CBX1: variants seen among roughly 807,000 people sequenced by gnomAD.
CBX1 encodes chromobox 1.
Under a neutral mutation model 25.1 loss-of-function variants are expected in CBX1, and 10 were observed. The ratio of observed to expected loss-of-function variants is 0.40; its 90% CI spans 0.25 to 0.68. The LOEUF (loss-of-function observed/expected upper bound fraction) is 0.68, where lower values mean the gene tolerates loss of function less well. Among genes scored for constraint, CBX1 ranks in the 30% least tolerant of loss-of-function variants. The pLI, the probability that CBX1 is intolerant of heterozygous loss-of-function variation, is 0.40. For missense variants in CBX1, 106 were observed against 218.5 expected (o/e 0.49, Z 3.25); for synonymous variants, 63 against 79.4 (o/e 0.79, Z 1.10).
At position 48,074,965 on chromosome 17, in the gene CBX1, G is replaced by A. The variant is rs768843643; in HGVS notation, c.413+41C>T. The A allele has an allele frequency of 1.5e-5, 21 of 1,374,036 alleles. 1 individual carries two copies. Among genetic ancestry groups the A allele is most frequent in the Non-Finnish European group, 2.1e-5 (20 of 963,894 alleles). 85.1% of individuals were successfully genotyped at this position (1,374,036 alleles called of 1,614,324 possible). On this transcript the variant is annotated intron_variant, in intron 4 of 4. Coordinates refer to ENST00000225603, the MANE Select transcript of CBX1 (RefSeq NM_001127228.2). ...TTCCTCTGGCATGAAACCAATGGGA[G>A]AAGAAAAAAAACAACCACACAGAGC...
chr17:48,078,474 G>A (rs531496536), intron 1 of CBX1, among the ~76,000 whole-genome samples: 94 of 152,074 alleles, frequency 6.2e-4, no homozygotes, highest in Admixed American at 1.0e-3. Context: ...TTACAGAGCT[G>A]AGCCACCATG....
At chr17:48,078,276 T>C (rs2037696775) in intron 1 of CBX1, among the ~76,000 whole-genome samples, 2 of 151,776 alleles carry the variant, frequency 1.3e-5, no homozygotes, top group Non-Finnish European at 2.9e-5. Flanking sequence ...CACTGCAAGC[T>C]CCGCCTCCTG....
intron 1 of CBX1, among the ~76,000 whole-genome samples, chr17:48,083,694 G>T (rs1197848787): frequency 6.7e-6 from 1 of 149,860 alleles, no homozygotes; most frequent in East Asian, 1.9e-4. Flanking sequence ...TGTGGTGGTG[G>T]GCGCCTGTAA....
chr17:48,073,574 C>T (rs577275498), intron 4 of CBX1, among the ~76,000 whole-genome samples: 3 of 152,258 alleles, frequency 2.0e-5, no homozygotes, highest in African/African-American at 7.2e-5. Context: ...CGCCTGTAAT[C>T]CTAGCACCTT....
Position 48,071,430 on chromosome 17 carries a change from G to A in CBX1, c.*5C>T, listed in dbSNP as rs747691761. The A allele has an allele frequency of 1.9e-6, 3 of 1,604,390 alleles. No homozygotes were observed. The highest frequency in any genetic ancestry group is 2.6e-6 in the Non-Finnish European group (3 of 1,176,156). ...AGATGTGACAGGGGCTGGTACTCAGGAGCGTTAGTTCTTGTCATCTTTTTT... is the reference window on the plus strand; with the variant it reads ...AGATGTGACAGGGGCTGGTACTCAGAAGCGTTAGTTCTTGTCATCTTTTTT... On this transcript the variant is annotated 3_prime_UTR_variant, in exon 5 of 5. Transcript: ENST00000225603.
At chr17:48,075,547 G>A (rs1052513528) in intron 3 of CBX1, among the ~76,000 whole-genome samples, 6 of 152,136 alleles carry the variant, frequency 3.9e-5, no homozygotes, top group African/African-American at 1.4e-4. Flanking sequence ...AAGTAAGAGA[G>A]CTGTTAGAAT....
intron 1 of CBX1, among the ~76,000 whole-genome samples, chr17:48,096,886 A>G (rs2063378223): frequency 6.6e-6 from 1 of 152,152 alleles, no homozygotes; most frequent in African/African-American, 2.4e-5. Flanking sequence ...TGAGGCCAGG[A>G]GTTCGAAACT....
chr17:48,081,810 G>A (rs918642510), intron 1 of CBX1, among the ~76,000 whole-genome samples: 2 of 152,058 alleles, frequency 1.3e-5, no homozygotes, highest in Non-Finnish European at 1.5e-5. Context: ...ACAGATCCCC[G>A]CTTCTTCCTG....
intron 1 of CBX1, among the ~76,000 whole-genome samples, chr17:48,096,037 C>T (rs2063373443): frequency 6.6e-6 from 1 of 152,294 alleles, no homozygotes; most frequent in African/African-American, 2.4e-5. Flanking sequence ...TGCACCACCA[C>T]GCCCAGCTAA....
intron 1 of CBX1, among the ~76,000 whole-genome samples, chr17:48,093,889 G>A (rs1339348209): frequency 6.6e-6 from 1 of 151,984 alleles, no homozygotes; most frequent in Non-Finnish European, 1.5e-5. Flanking sequence ...GGAGGCTGAG[G>A]CAGGCGAATT....
chr17:48,096,290 G>C, intron 1 of CBX1: 2 of 932,388 alleles, frequency 2.1e-6, no homozygotes, highest in Non-Finnish European at 2.6e-6. Context: ...TCTGAAACTT[G>C]GAAAACCCCT....
intron 1 of CBX1, among the ~76,000 whole-genome samples, chr17:48,084,106 G>T (rs2037763267): frequency 6.7e-6 from 1 of 149,734 alleles, no homozygotes; most frequent in Non-Finnish European, 1.5e-5. Flanking sequence ...CAAGTAGCTG[G>T]GACTACAGGC....
At chr17:48,087,872 CAAAAA>C (rs531431865) in intron 1 of CBX1, among the ~76,000 whole-genome samples, 2 of 89,496 alleles carry the variant, frequency 2.2e-5, no homozygotes, top group Admixed American at 1.4e-4. Flanking sequence ...GACTCAGTCT[CAAAAA>C]AAAAAAAAAA....
In CBX1 at chr17:48,070,276, G is replaced by T. The variant is rs560764459; in HGVS notation, c.*1159C>A. 1.3e-5 allele frequency: 2 copies of T among 152,602 alleles called. No homozygotes were observed. Among genetic ancestry groups the T allele is most frequent in the East Asian group, 3.8e-4 (2 of 5,198 alleles). 9.5% of individuals were successfully genotyped at this position (152,602 alleles called of 1,614,324 possible). ...TTAGGATTTCTTAAAAAATTGTTTT[G>T]TGTGTGTATGTGTGTGTTTTAAAGT... is the stretch of plus-strand genomic sequence containing the variant. On this transcript the variant is annotated 3_prime_UTR_variant, in exon 5 of 5. Transcript: ENST00000225603.
Position 48,099,010 on chromosome 17 carries a change from G to C in CBX1, c.-38+2258C>G, listed in dbSNP as rs796705494. ...GTAAGTTATAGGTATCCTGTATTCA[G>C]AAATGCAGAAGACCAGGGTAACTTA... On this transcript the variant is annotated intron_variant, in intron 1 of 4. Transcript: ENST00000225603. 2.3e-4 allele frequency among the ~76,000 whole-genome samples: 35 copies of C among 152,302 alleles called. 1 individual carries two copies. Among genetic ancestry groups the C allele is most frequent in the Admixed American group, 6.5e-4 (10 of 15,282 alleles).
chr17:48,083,780 C>T (rs372992044), intron 1 of CBX1, among the ~76,000 whole-genome samples: 3 of 149,996 alleles, frequency 2.0e-5, no homozygotes, highest in African/African-American at 7.6e-5. Context: ...GCCGAGATTG[C>T]GCCATTGCAC....
chr17:48,075,251 G>C, intron 3 of CBX1, 151 bp from the exon 4 acceptor site: 1 of 599,564 alleles, frequency 1.7e-6, no homozygotes, highest in Non-Finnish European at 3.0e-6. Context: ...CTGGAGTGCA[G>C]TGGTGCGATC....
At position 48,101,417 on chromosome 17, in the gene CBX1, G is replaced by A; in HGVS notation, c.-187C>T. 7 of 985,518 alleles carry A rather than the reference G, an allele frequency of 7.1e-6. No individual in the cohort carries two copies. The highest frequency in any genetic ancestry group is 9.4e-5 in the South Asian group (2 of 21,306). The allele number at this position is 985,518 out of a possible 1,614,324, so 61.0% of individuals were successfully genotyped here. The stretch of plus-strand genomic sequence containing the variant: ...CTGAAGCGGCGTACCGCAGGCCCCG[G>A]CCAACGGCCCTCCCCTCAGCCGAAC... On this transcript the variant is annotated 5_prime_UTR_variant, in exon 1 of 5. Coordinates refer to ENST00000225603, the MANE Select transcript of CBX1 (RefSeq NM_001127228.2).
At chr17:48,076,245 G>C (rs140914068) in intron 2 of CBX1, 67 bp from the exon 3 acceptor site, 2 of 1,254,400 alleles carry the variant, frequency 1.6e-6, no homozygotes, top group Non-Finnish European at 2.1e-6. Flanking sequence ...AAGGATAATC[G>C]TAAGAGGACA....
Sources: gnomAD v4.1 joint callset for allele counts (sites outside exome capture counted in the v4.1 genomes callset) on GRCh38, gnomAD v4.1.1 for gene constraint, MANE v1.5 for transcripts, NCBI Gene and HGNC (gene_info 2026-07-23, HGNC 2026-07-21) for gene names.